The following ASMTL variants were observed in gnomAD, a reference collection of about 807,000 sequenced individuals.
ASMTL encodes probable bifunctional dTTP/UTP pyrophosphatase/methyltransferase protein.
Under a neutral mutation model 60.3 loss-of-function variants are expected in ASMTL, and 57 were observed. The ratio of observed to expected loss-of-function variants is 0.95; its 90% CI spans 0.76 to 1.18. The LOEUF (loss-of-function observed/expected upper bound fraction) is 1.18. ASMTL is among the 50% of genes most tolerant of loss of function. The pLI is 0.00. For missense variants in ASMTL, 981 were observed against 852.6 expected, an observed-to-expected ratio of 1.15 and a Z score of -1.88; for synonymous variants, 419 against 373.0, an observed-to-expected ratio of 1.12 and a Z score of -1.42.
In ASMTL at chrX:1,440,820, A is replaced by G. The variant is rs149155217; in HGVS notation, c.225+1366T>C. Among the ~76,000 whole-genome samples, 946 of 152,274 alleles carry G rather than the reference A, an allele frequency of 6.2e-3. 3 individuals are homozygous for G. Among genetic ancestry groups the G allele is most frequent in the Non-Finnish European group, 9.1e-3 (620 of 68,016 alleles). On this transcript the variant is annotated intron_variant, in intron 2 of 12. Coordinates refer to ENST00000381317, the MANE Select transcript of ASMTL (RefSeq NM_004192.4). ...GCATATAGTAACAGATAAATGACAT[A>G]ATTCTACATTATGATACAATTATAT...
At chrX:1,443,095 G>C (rs1195084022) in intron 1 of ASMTL, among the ~76,000 whole-genome samples, 6 of 145,230 alleles carry the variant, frequency 4.1e-5, no homozygotes, top group Non-Finnish European at 7.5e-5. Flanking sequence ...CTGCCATCTG[G>C]GACACACACC....
At chrX:1,436,501 C>A (rs751353386) in intron 3 of ASMTL, among the ~76,000 whole-genome samples, 2 of 147,956 alleles carry the variant, frequency 1.4e-5, no homozygotes, top group African/African-American at 5.0e-5. Context: ...TACAGGCGCC[C>A]GCCACCACAC....
chrX:1,433,170 C>T (rs1486952383), intron 5 of ASMTL, among the ~76,000 whole-genome samples: 9 of 152,114 alleles, frequency 5.9e-5, no homozygotes, highest in East Asian at 1.9e-4. Context: ...CCCTGAATCC[C>T]GGGGAATCTG....
intron 12 of ASMTL, among the ~76,000 whole-genome samples, chrX:1,407,199 T>G (rs1234706817): frequency 6.8e-6 from 1 of 148,148 alleles, no homozygotes; most frequent in Non-Finnish European, 1.5e-5. Context: ...ATGGATGAGA[T>G]GGATGGCTGG....
chrX:1,406,184 T>C (rs1414669120), intron 12 of ASMTL, among the ~76,000 whole-genome samples: 1 of 147,038 alleles, frequency 6.8e-6, no homozygotes, highest in Non-Finnish European at 1.5e-5. Flanking sequence ...AGATGATGGG[T>C]AGATAGATGA....
chrX:1,428,434 A>G (rs1246611895), intron 6 of ASMTL, among the ~76,000 whole-genome samples: 3 of 151,850 alleles, frequency 2.0e-5, no homozygotes, highest in Non-Finnish European at 2.9e-5. Flanking sequence ...TTGAGGTCAG[A>G]AGTTCAAGAC....
chrX:1,453,382 AAGCACCGCCCCC>A (rs1170019365), upstream of ASMTL, among the ~76,000 whole-genome samples: 4 of 124,218 alleles, frequency 3.2e-5, no homozygotes, highest in East Asian at 8.1e-4. Context: ...CCGCTTGGTG[AAGCACCGCCCCC>A]AGCTCCGCCT....
At chrX:1,452,666 C>G in intron 1 of ASMTL, 82 bp downstream of exon 1, 1 of 1,198,232 alleles carries the variant, frequency 8.3e-7, no homozygotes, top group Non-Finnish European at 1.2e-6. Flanking sequence ...ATCCCTATCC[C>G]TAGAGTTCCT....
chrX:1,450,903 C>T (rs185716395), intron 1 of ASMTL, among the ~76,000 whole-genome samples: 13 of 143,184 alleles, frequency 9.1e-5, no homozygotes, highest in Admixed American at 2.1e-4. Context: ...CCTATGGGTC[C>T]CGGGTCACTC....
At chrX:1,414,964 G>T (rs575933960) in intron 11 of ASMTL, among the ~76,000 whole-genome samples, 44 of 151,736 alleles carry the variant, frequency 2.9e-4, no homozygotes, top group African/African-American at 1.0e-3. Context: ...TTTTTGAGAT[G>T]GAGTTTTGCT....
At chrX:1,427,410 C>T (rs1216205033) in intron 7 of ASMTL, among the ~76,000 whole-genome samples, 1 of 151,632 alleles carries the variant, frequency 6.6e-6, no homozygotes, top group Non-Finnish European at 1.5e-5. Context: ...GAAATCATCA[C>T]GAAGAAGGGT....
intron 4 of ASMTL, 166 bp downstream of exon 4, chrX:1,435,528 A>G: frequency 2.9e-6 from 2 of 681,732 alleles, no homozygotes; most frequent in East Asian, 2.7e-5. Flanking sequence ...GCATGGAGGG[A>G]TAGTGCCTGC....
chrX:1,425,100 CTATG>C (rs1246684571), intron 8 of ASMTL, among the ~76,000 whole-genome samples: 39 of 152,130 alleles, frequency 2.6e-4, no homozygotes, highest in African/African-American at 9.4e-4. Flanking sequence ...TACCCATCAT[CTATG>C]TATCTGTCAT....
chrX:1,407,883 A>T (rs1425433785), intron 12 of ASMTL, among the ~76,000 whole-genome samples: 1 of 151,020 alleles, frequency 6.6e-6, no homozygotes, highest in African/African-American at 2.4e-5. Context: ...AGAGGAGGAG[A>T]CAGAGAGGAA....
chrX:1,408,166 CCTCCA>C (rs2089937978), intron 12 of ASMTL, among the ~76,000 whole-genome samples: 1 of 73,788 alleles, frequency 1.4e-5, no homozygotes, highest in African/African-American at 4.6e-5. Flanking sequence ...GCAACACTGC[CCTCCA>C]GCCAAATGCT....
At chrX:1,445,737 A>G (rs1292639219) in intron 1 of ASMTL, among the ~76,000 whole-genome samples, 1 of 152,230 alleles carries the variant, frequency 6.6e-6, no homozygotes, top group Non-Finnish European at 1.5e-5. Context: ...TATGAATATC[A>G]TTAATCATTA....
intron 8 of ASMTL, among the ~76,000 whole-genome samples, chrX:1,423,109 T>C (rs1346285165): frequency 1.3e-5 from 2 of 152,078 alleles, no homozygotes; most frequent in Non-Finnish European, 2.9e-5. Context: ...CCCGCCACCG[T>C]GCCCGGCTAA....
intron 7 of ASMTL, among the ~76,000 whole-genome samples, chrX:1,425,985 C>G (rs1454414269): frequency 2.0e-5 from 3 of 152,178 alleles, no homozygotes; most frequent in Admixed American, 2.0e-4. Context: ...CTAATCCCCC[C>G]AGTCCCTCAG....
At chrX:1,416,009 G>GCGCA (rs1251638932) in intron 11 of ASMTL, among the ~76,000 whole-genome samples, 16 of 141,888 alleles carry the variant, frequency 1.1e-4, no homozygotes, top group African/African-American at 4.7e-4. Context: ...AGCAAGACAG[G>GCGCA]CACACACACA....
Sources: gnomAD v4.1 joint callset for allele counts (sites outside exome capture counted in the v4.1 genomes callset) on GRCh38, gnomAD v4.1.1 for gene constraint, MANE v1.5 for transcripts, NCBI Gene and HGNC (gene_info 2026-07-23, HGNC 2026-07-21) for gene names.